Variants in STK32B observed in about 807,000 individuals in gnomAD.
The protein encoded by STK32B is serine/threonine-protein kinase 32B.
Under a neutral mutation model 52.6 loss-of-function variants are expected in STK32B, and 43 were observed. The ratio of observed to expected loss-of-function variants is 0.82; its 90% CI spans 0.64 to 1.05. The LOEUF (loss-of-function observed/expected upper bound fraction) is 1.05. STK32B is among the 50% of genes least tolerant of loss of function. STK32B has a pLI of 0.00. For missense variants in STK32B, 621 were observed against 534.6 expected, an observed-to-expected ratio of 1.16 and a Z score of -1.59; for synonymous variants, 238 against 204.3, an observed-to-expected ratio of 1.17 and a Z score of -1.41.
In STK32B at chr4:5,380,433, G is replaced by A. The variant is rs1267354878; in HGVS notation, c.435-17774G>A. 6.6e-6 allele frequency among the ~76,000 whole-genome samples: 1 copy of A among 152,160 alleles called. No homozygotes were observed. The highest frequency in any genetic ancestry group is 1.9e-4 in the East Asian group (1 of 5,190). ...TCTGAAGAGGTACAGGAATTTTCCT[G>A]ATGCTATGTCTAATTTTGTGAACAG... On this transcript the variant is annotated intron_variant, in intron 4 of 11. Transcript: ENST00000282908. The surrounding 1 kb of genome is among the most constrained non-coding windows in gnomAD (Gnocchi z 4.3).
chr4:5,457,093 G>A (rs1046280264), intron 8 of STK32B, among the ~76,000 whole-genome samples, 170 bp downstream of exon 8: 2 of 152,190 alleles, frequency 1.3e-5, no homozygotes, highest in African/African-American at 4.8e-5. Flanking sequence ...TTATGGGGGT[G>A]CGTGCAGATC....
intron 2 of STK32B, among the ~76,000 whole-genome samples, chr4:5,163,390 C>A (rs747571320): frequency 6.6e-6 from 1 of 151,946 alleles, no homozygotes; most frequent in Admixed American, 6.6e-5. Context: ...GGAAGGGCAC[C>A]GCATACAGCT....
intron 1 of STK32B, among the ~76,000 whole-genome samples, chr4:5,133,998 C>A (rs1715922620): frequency 6.6e-6 from 1 of 152,192 alleles, no homozygotes; most frequent in African/African-American, 2.4e-5. Context: ...ACACCAAACC[C>A]TCCTTTTCAT....
intron 1 of STK32B, among the ~76,000 whole-genome samples, chr4:5,111,578 A>G (rs1434798039): frequency 6.6e-6 from 1 of 152,132 alleles, no homozygotes; most frequent in Non-Finnish European, 1.5e-5. Context: ...ACACATGGAC[A>G]TAAAGATGGA....
intron 4 of STK32B, among the ~76,000 whole-genome samples, chr4:5,341,351 C>G (rs759425255): frequency 6.6e-6 from 1 of 152,186 alleles, no homozygotes; most frequent in Non-Finnish European, 1.5e-5. Flanking sequence ...GATGCAAAAG[C>G]AAAAGTAGGG....
chr4:5,021,018 C>T, the STK32B span, among the ~76,000 whole-genome samples: 5 of 152,162 alleles, frequency 3.3e-5, no homozygotes, highest in South Asian at 6.2e-4. Flanking sequence ...CAGAACAAAA[C>T]AACCAAAGAT....
At chr4:5,038,067 A>C in the STK32B span, among the ~76,000 whole-genome samples, 1 of 152,162 alleles carries the variant, frequency 6.6e-6, no homozygotes, top group African/African-American at 2.4e-5. Context: ...AGTGACTCTC[A>C]GTTCTTAGAA....
rs995816099 is a variant in STK32B at position 5,386,801 on chromosome 4, A to C, written c.435-11406A>C. 6.6e-6 allele frequency among the ~76,000 whole-genome samples: 1 copy of C among 152,138 alleles called. No homozygotes were observed. Among genetic ancestry groups the C allele is most frequent in the African/African-American group, 2.4e-5 (1 of 41,424 alleles). The stretch of plus-strand genomic sequence containing the variant: ...GTGGCTGGACCCTCCATTGGGTCCA[A>C]CTCTCGGATTCCAATAGAAGTCACG... On this transcript the variant is annotated intron_variant, in intron 4 of 11. Transcript: ENST00000282908. This position sits in a 1 kb window ranked among gnomAD's most constrained non-coding sequence, Gnocchi z 4.5.
intron 3 of STK32B, among the ~76,000 whole-genome samples, chr4:5,180,118 C>G (rs1172485240): frequency 1.3e-5 from 2 of 152,198 alleles, no homozygotes; most frequent in African/African-American, 4.8e-5. Flanking sequence ...AGGACTGGTG[C>G]CTGCTGCCCA....
At chr4:5,169,976 C>G (rs1456670501) in intron 3 of STK32B, among the ~76,000 whole-genome samples, 1 of 151,938 alleles carries the variant, frequency 6.6e-6, no homozygotes, top group Non-Finnish European at 1.5e-5. Context: ...ATTCCATTTT[C>G]TGAATTAATA....
intron 3 of STK32B, among the ~76,000 whole-genome samples, chr4:5,253,477 C>T (rs868443772): frequency 4.6e-5 from 7 of 152,060 alleles, no homozygotes; most frequent in South Asian, 2.1e-4. Context: ...CAGGCTCAAG[C>T]GATTCTCCTG....
chr4:5,407,950 C>T (rs1182464907), intron 5 of STK32B, among the ~76,000 whole-genome samples: 2 of 152,004 alleles, frequency 1.3e-5, no homozygotes, highest in Non-Finnish European at 2.9e-5. Context: ...TAAAGGGACC[C>T]CAGAAAGTTC....
At chr4:5,228,524 A>AT (rs964272217) in intron 3 of STK32B, among the ~76,000 whole-genome samples, 4 of 152,084 alleles carry the variant, frequency 2.6e-5, no homozygotes, top group Non-Finnish European at 4.4e-5. Context: ...CTGCAATAAA[A>AT]TTTTTTTGTC....
At chr4:5,473,082 A>C (rs2109179967) in intron 11 of STK32B, among the ~76,000 whole-genome samples, 1 of 152,334 alleles carries the variant, frequency 6.6e-6, no homozygotes, top group South Asian at 2.1e-4. Flanking sequence ...TTTCCCTAAA[A>C]GAAATATCAT....
intron 6 of STK32B, among the ~76,000 whole-genome samples, chr4:5,439,641 C>T (rs1436715521): frequency 6.6e-6 from 1 of 152,078 alleles, no homozygotes; most frequent in African/African-American, 2.4e-5. Context: ...GCTTTTGTTG[C>T]CATTGCTTTT....
chr4:5,490,193 A>T lies in STK32B; in HGVS notation c.1107-8752A>T, dbSNP rs1347368159. Reference sequence around the variant, plus strand: ...ATGATCTTGGCTCACTGAAACCTCTACCTCCCGGGTTCAAGCAATTCTCCT... The same window carrying T: ...ATGATCTTGGCTCACTGAAACCTCTTCCTCCCGGGTTCAAGCAATTCTCCT... On this transcript the variant is annotated intron_variant, in intron 11 of 11. Coordinates refer to ENST00000282908, the MANE Select transcript of STK32B (RefSeq NM_018401.3). Among the ~76,000 whole-genome samples, 3 of 150,056 alleles carry T rather than the reference A, an allele frequency of 2.0e-5. No homozygotes were observed. The Admixed American group carries it at 2.0e-4, about 10-fold the overall frequency.
At chr4:5,076,415 A>G (rs1712077981) in intron 1 of STK32B, among the ~76,000 whole-genome samples, 1 of 152,106 alleles carries the variant, frequency 6.6e-6, no homozygotes, top group Admixed American at 6.5e-5. Flanking sequence ...AAAATTGACC[A>G]TGTTTGCTTA....
At chr4:5,218,547 C>T (rs1474486111) in intron 3 of STK32B, among the ~76,000 whole-genome samples, 1 of 152,132 alleles carries the variant, frequency 6.6e-6, no homozygotes, top group African/African-American at 2.4e-5. Flanking sequence ...GGACATGGCT[C>T]CGGGACCCTA....
At chr4:5,278,198 G>A (rs1727960685) in intron 3 of STK32B, among the ~76,000 whole-genome samples, 1 of 152,172 alleles carries the variant, frequency 6.6e-6, no homozygotes, top group Admixed American at 6.5e-5. Context: ...AATTGCTGAG[G>A]AATGGTGGAC....
Sources: allele counts gnomAD v4.1 joint callset (sites outside exome capture counted in the v4.1 genomes callset), GRCh38; gene constraint gnomAD v4.1.1; non-coding constraint Gnocchi (gnomAD v3.1); transcripts MANE v1.5; gene names NCBI Gene and HGNC (gene_info 2026-07-23, HGNC 2026-07-21).